The following SNTG1 variants were observed in gnomAD, a reference collection of about 807,000 sequenced individuals.
SNTG1 encodes syntrophin gamma 1, also known as gamma-1-syntrophin.
SNTG1 carries 39 observed loss-of-function variants against 74.7 expected under a neutral mutation model. The observed-to-expected ratio is 0.52, with a 90% CI of 0.40 to 0.68. The LOEUF (loss-of-function observed/expected upper bound fraction) is 0.68, where lower values mean the gene tolerates loss of function less well. Among genes scored for constraint, SNTG1 ranks in the 30% least tolerant of loss-of-function variants. The probability of loss-of-function intolerance (pLI) is 0.00; values close to 1 mark genes in which losing one functional copy is unlikely to be tolerated. For missense variants in SNTG1, 685 were observed against 609.5 expected, an observed-to-expected ratio of 1.12 and a Z score of -1.30; for synonymous variants, 254 against 217.1, an observed-to-expected ratio of 1.17 and a Z score of -1.49.
chr8:50,499,290 T>C (rs189995118), intron 8 of SNTG1, among the ~76,000 whole-genome samples: 14 of 152,018 alleles, frequency 9.2e-5, no homozygotes, highest in Non-Finnish European at 1.8e-4. Context: ...CATAAATATT[T>C]CATGGTTTTG....
intron 2 of SNTG1, among the ~76,000 whole-genome samples, chr8:50,208,908 G>T (rs1368152712): frequency 1.3e-5 from 2 of 152,172 alleles, no homozygotes; most frequent in Non-Finnish European, 2.9e-5. Context: ...CGGACAGTGG[G>T]TTCAGCCCAC....
intron 2 of SNTG1, among the ~76,000 whole-genome samples, chr8:50,302,901 C>T (rs34530560): frequency 0.16 from 23,908 of 152,056 alleles, 2,304 homozygotes; most frequent in Middle Eastern, 0.27. Context: ...TTGCTTTTGA[C>T]GATTGTGTCC....
chr8:49,985,098 C>T (rs1453397922), intron 1 of SNTG1, among the ~76,000 whole-genome samples: 2 of 152,130 alleles, frequency 1.3e-5, no homozygotes, highest in African/African-American at 4.8e-5. Flanking sequence ...GTTTCAGAGG[C>T]ACAAAGTGAT....
rs536803533 is a variant in SNTG1, at chr8:50,232,796, T to C, written c.-28+60161T>C. On this transcript the variant is annotated intron_variant, in intron 2 of 18. Coordinates refer to ENST00000642720, the MANE Select transcript of SNTG1 (RefSeq NM_018967.5). ...TGTATTTCTATATACTAGCAATACA[T>C]TGAAACTAAAAATAAAATTCCAATA... Among the ~76,000 whole-genome samples, 19 of 151,656 alleles carry C rather than the reference T, an allele frequency of 1.3e-4. 1 individual carries two copies. Among genetic ancestry groups the C allele is most frequent in the African/African-American group, 4.6e-4 (19 of 41,494 alleles).
chr8:50,544,136 T>G (rs2625753), intron 11 of SNTG1, among the ~76,000 whole-genome samples: 21,202 of 152,088 alleles, frequency 0.14, 1,606 homozygotes, highest in African/African-American at 0.19. Context: ...ATGTTTATTA[T>G]TTAATATTCT....
chr8:50,700,036 C>A (rs1342339658), intron 15 of SNTG1, among the ~76,000 whole-genome samples: 2 of 152,120 alleles, frequency 1.3e-5, no homozygotes, highest in African/African-American at 4.8e-5. Context: ...AGATTCAAAT[C>A]AAGACAGAAT....
intron 1 of SNTG1, among the ~76,000 whole-genome samples, chr8:49,981,257 G>T (rs1052879441): frequency 1.3e-5 from 2 of 151,962 alleles, no homozygotes; most frequent in Non-Finnish European, 2.9e-5. Flanking sequence ...AAGGAGAGAC[G>T]GGAAAAAATA....
At chr8:50,096,955 T>C (rs1586252767) in intron 1 of SNTG1, among the ~76,000 whole-genome samples, 1 of 152,082 alleles carries the variant, frequency 6.6e-6, no homozygotes, top group African/African-American at 2.4e-5. Context: ...GAATTCTTAC[T>C]AAAACTTTTT....
chr8:50,778,474 T>A (rs1213057180), intron 18 of SNTG1, among the ~76,000 whole-genome samples: 1 of 151,988 alleles, frequency 6.6e-6, no homozygotes, highest in Non-Finnish European at 1.5e-5. Flanking sequence ...CATTTTTTCA[T>A]GTGTTTTTTG....
At chr8:50,457,748 C>T (rs1020693339) in intron 8 of SNTG1, among the ~76,000 whole-genome samples, 3 of 152,068 alleles carry the variant, frequency 2.0e-5, no homozygotes, top group Admixed American at 6.6e-5. Flanking sequence ...AGACAGCAAT[C>T]GCGAATGGGA....
At chr8:49,983,612 A>T (rs930380553) in intron 1 of SNTG1, among the ~76,000 whole-genome samples, 1 of 152,122 alleles carries the variant, frequency 6.6e-6, no homozygotes, top group African/African-American at 2.4e-5. Context: ...CCAATAATTC[A>T]CTGCTCTTGC....
chr8:50,677,541 A>C (rs534563432), intron 15 of SNTG1, among the ~76,000 whole-genome samples: 1 of 152,054 alleles, frequency 6.6e-6, no homozygotes, highest in African/African-American at 2.4e-5. Flanking sequence ...CTTCAGGTCT[A>C]TTTCAGGTTT....
chr8:50,317,790 G>A lies in SNTG1; in HGVS notation c.-27-76422G>A, dbSNP rs1294735433. The stretch of plus-strand genomic sequence containing the variant: ...TAACAACATATTTACCTTTCAAAAT[G>A]CAGATTAAGTACTATCTCTATGACA... On this transcript the variant is annotated intron_variant, in intron 2 of 18. Transcript: ENST00000642720. Among the ~76,000 whole-genome samples the A allele has an allele frequency of 5.3e-5, 8 of 152,250 alleles. No individual in the cohort carries two copies. The East Asian group carries it at 1.6e-3, about 30-fold the overall frequency.
chr8:50,354,822 G>A (rs1354539495), intron 2 of SNTG1, among the ~76,000 whole-genome samples: 2 of 152,144 alleles, frequency 1.3e-5, no homozygotes, highest in African/African-American at 4.8e-5. Context: ...GCTGCTTGCA[G>A]TGGCTGGACT....
intron 2 of SNTG1, among the ~76,000 whole-genome samples, chr8:50,177,268 T>C (rs1256315779): frequency 1.3e-5 from 2 of 152,152 alleles, no homozygotes; most frequent in Non-Finnish European, 2.9e-5. Flanking sequence ...TGTGGGGCCC[T>C]CTTGTTCATA....
chr8:50,380,938 T>C (rs1488373187), intron 2 of SNTG1: 1 of 152,216 alleles, frequency 6.6e-6, no homozygotes, highest in African/African-American at 2.4e-5. Flanking sequence ...CTTTTCTTGG[T>C]CAGGAACCAG....
chr8:50,449,817 T>C, intron 6 of SNTG1, 92 bp downstream of exon 6: 1 of 1,120,596 alleles, frequency 8.9e-7, no homozygotes, highest in South Asian at 2.3e-5. Context: ...AATTACAATG[T>C]GATTGACTGG....
intron 13 of SNTG1, among the ~76,000 whole-genome samples, chr8:50,620,241 T>C (rs1256564508): frequency 1.3e-5 from 2 of 152,186 alleles, no homozygotes; most frequent in Non-Finnish European, 2.9e-5. Context: ...TCTCTCTCCA[T>C]CTTTAAAACT....
chr8:50,744,818 T>C (rs1476848081), intron 17 of SNTG1, among the ~76,000 whole-genome samples: 3 of 151,946 alleles, frequency 2.0e-5, no homozygotes, highest in Non-Finnish European at 4.4e-5. Context: ...TTTCAACTAA[T>C]GGTGTTTGTT....
Sources: allele counts gnomAD v4.1 joint callset (sites outside exome capture counted in the v4.1 genomes callset), GRCh38; gene constraint gnomAD v4.1.1; transcripts MANE v1.5; gene names NCBI Gene and HGNC (gene_info 2026-07-23, HGNC 2026-07-21).